UTRN: variants seen among roughly 807,000 people sequenced by gnomAD.
UTRN encodes utrophin, also known as dystrophin-related protein 1.
In UTRN, 283 loss-of-function variants were observed where a neutral mutation model predicts 463.9. The observed-to-expected ratio is 0.61, with a 90% confidence interval of 0.55 to 0.67. UTRN has a LOEUF of 0.67. Ranked by LOEUF, UTRN falls within the 30% of genes least tolerant of loss-of-function variation. UTRN has a pLI of 0.00. For missense variants in UTRN, 3,922 were observed against 4,084.3 expected (o/e 0.96, Z 1.08); for synonymous variants, 1,442 against 1,431.5 (o/e 1.01, Z -0.17).
rs1491372399 is a variant in UTRN, at chr6:144,824,571, T to TA, written c.9495-2777_9495-2776insA. Among the ~76,000 whole-genome samples the TA allele has an allele frequency of 1.9e-3, 86 of 46,108 alleles. 1 individual carries two copies. Among genetic ancestry groups the TA allele is most frequent in the East Asian group, 0.015 (10 of 678 alleles). The allele number at this position is 46,108 out of a possible 152,430, so 30.2% of individuals were successfully genotyped here. Reference sequence around the variant, plus strand: ...GTATATATATTAATATAGCATTTTATTTATATATATATATATATATATATA... The same window carrying TA: ...GTATATATATTAATATAGCATTTTATATTATATATATATATATATATATATA... On this transcript the variant is annotated intron_variant, in intron 66 of 74. Coordinates refer to ENST00000367545, the MANE Select transcript of UTRN (RefSeq NM_007124.3).
At chr6:144,455,675 C>T (rs1275757087) in intron 19 of UTRN, among the ~76,000 whole-genome samples, 4 of 152,154 alleles carry the variant, frequency 2.6e-5, no homozygotes, top group African/African-American at 7.2e-5. Context: ...GGGGAATGGG[C>T]AAACTTGGAT....
Position 144,627,461 on chromosome 6 carries a change from A to G in UTRN, c.7479+50173A>G, listed in dbSNP as rs186040030. 3.9e-5 allele frequency among the ~76,000 whole-genome samples: 6 copies of G among 152,292 alleles called. No individual in the cohort carries two copies. The East Asian group carries it at 9.6e-4, about 24-fold the overall frequency. On this transcript the variant is annotated intron_variant, in intron 51 of 74. Coordinates refer to ENST00000367545, the MANE Select transcript of UTRN (RefSeq NM_007124.3). Reference sequence around the variant, plus strand: ...TGATCTTTTTAAAAACTATGGTGAAATATACAAAATATGGCATTTTAACCA... The same window carrying G: ...TGATCTTTTTAAAAACTATGGTGAAGTATACAAAATATGGCATTTTAACCA...
chr6:144,620,057 T>C (rs1404355580), intron 51 of UTRN, among the ~76,000 whole-genome samples: 1 of 152,172 alleles, frequency 6.6e-6, no homozygotes, highest in Non-Finnish European at 1.5e-5. Context: ...TTGTTAAGGA[T>C]GCAAATGGAG....
chr6:144,749,774 A>C (rs1412395925), intron 55 of UTRN, among the ~76,000 whole-genome samples: 1 of 152,200 alleles, frequency 6.6e-6, no homozygotes. Flanking sequence ...TTATATAGGG[A>C]AACATTATTT....
At chr6:144,570,668 G>T (rs1487008599) in intron 50 of UTRN, among the ~76,000 whole-genome samples, 1 of 152,150 alleles carries the variant, frequency 6.6e-6, no homozygotes, top group East Asian at 1.9e-4. Flanking sequence ...TCAATGGGTG[G>T]TCTAGCTTCT....
At chr6:144,483,951 A>G (rs779394465) in intron 27 of UTRN, among the ~76,000 whole-genome samples, 15 of 152,326 alleles carry the variant, frequency 9.8e-5, no homozygotes, top group Non-Finnish European at 1.8e-4. Context: ...TGATCTGGTA[A>G]GCATACTTCA....
chr6:144,525,437 T>C (rs144524666), intron 41 of UTRN, among the ~76,000 whole-genome samples: 2 of 152,288 alleles, frequency 1.3e-5, no homozygotes, highest in East Asian at 3.9e-4. Flanking sequence ...TCCAGGAATT[T>C]ATCCATATCC....
At position 144,511,029 on chromosome 6, in the gene UTRN, G is replaced by T. The variant is rs745504827; in HGVS notation, c.4850G>T (p.Gly1617Val). 1.2e-6 allele frequency: 2 copies of T among 1,613,350 alleles called. No individual in the cohort carries two copies. Among genetic ancestry groups the T allele is most frequent in the South Asian group, 1.1e-5 (1 of 90,998 alleles). The change falls in exon 35 of 75, where the codon GGC becomes GTC. Residue 1617 changes from glycine to valine, a missense_variant. By Grantham distance (109) the Gly-to-Val change is moderately radical. Coordinates refer to ENST00000367545, the MANE Select transcript of UTRN (RefSeq NM_007124.3). ...GCTGCCCTGCAAAACTTGATTGAGG[G>T]CAGTGAGCCTATTTTAGAAGAGAGG... Reference protein sequence around the residue: ...SSAALQNLIEGSEPILEERLC... With the variant: ...SSAALQNLIEVSEPILEERLC...
chr6:144,301,587 A>G (rs1584196886), intron 2 of UTRN, among the ~76,000 whole-genome samples: 1 of 125,298 alleles, frequency 8.0e-6, no homozygotes, highest in Non-Finnish European at 1.6e-5. Flanking sequence ...TCCATTGCCC[A>G]GGCTGGAGTG....
chr6:144,814,439 G>T (rs1034284254), intron 65 of UTRN, among the ~76,000 whole-genome samples: 2 of 152,146 alleles, frequency 1.3e-5, no homozygotes, highest in Non-Finnish European at 2.9e-5. Flanking sequence ...TGAGACACAT[G>T]CTGTAATTGT....
chr6:144,839,580 AT>A (rs1197219829), intron 72 of UTRN, among the ~76,000 whole-genome samples: 1 of 152,182 alleles, frequency 6.6e-6, no homozygotes, highest in Non-Finnish European at 1.5e-5. Flanking sequence ...CTTATGAATG[AT>A]TTTTTTAGTA....
At chr6:144,732,231 T>TATATACAC (rs1562832206) in intron 54 of UTRN, among the ~76,000 whole-genome samples, 21 of 29,726 alleles carry the variant, frequency 7.1e-4, no homozygotes, top group Admixed American at 5.0e-3. Flanking sequence ...TATATATATA[T>TATATACAC]ATATATACAT....
At chr6:144,562,653 T>A (rs1800042106) in intron 50 of UTRN, among the ~76,000 whole-genome samples, 1 of 152,198 alleles carries the variant, frequency 6.6e-6, no homozygotes, top group African/African-American at 2.4e-5. Context: ...TGAACAGTGC[T>A]GCAATGAACA....
chr6:144,617,735 A>G (rs757398520), intron 51 of UTRN, among the ~76,000 whole-genome samples: 32 of 152,110 alleles, frequency 2.1e-4, no homozygotes, highest in African/African-American at 7.5e-4. Flanking sequence ...GTAAATGTCC[A>G]TCAGTCTTGC....
intron 51 of UTRN, among the ~76,000 whole-genome samples, chr6:144,641,435 G>C (rs1046961579): frequency 7.9e-5 from 12 of 152,214 alleles, no homozygotes; most frequent in Admixed American, 3.9e-4. Context: ...GCAGGCTTCA[G>C]AGAGAACAGA....
chr6:144,739,906 A>G (rs907352285), intron 54 of UTRN, among the ~76,000 whole-genome samples: 18 of 152,194 alleles, frequency 1.2e-4, no homozygotes, highest in Non-Finnish European at 2.5e-4. Context: ...GGAAGAATCC[A>G]ATCCCATAAA....
chr6:144,334,411 A>C (rs1031389206), intron 2 of UTRN, among the ~76,000 whole-genome samples: 3 of 151,246 alleles, frequency 2.0e-5, no homozygotes, highest in Non-Finnish European at 4.4e-5. Flanking sequence ...CTATGATTTT[A>C]GCGCCCCCGG....
chr6:144,447,227 G>C lies in UTRN; in HGVS notation c.1631G>C (p.Trp544Ser), dbSNP rs756293190. The stretch of plus-strand genomic sequence containing the variant: ...TACTTGTAGTGCTTGTTGAAAGCTT[G>C]GTTAACCGAAAAAGAAGAGGCTTTA... ...LLEEQCLLKA[W>S]LTEKEEALNK... The change falls in exon 15 of 75, where the codon TGG becomes TCG. Residue 544 changes from tryptophan (W) to serine (S), a missense_variant. Around this residue, in one of 3 missense-constraint regions of UTRN, gnomAD observed 2,349 missense variants for 2,303.8 expected, o/e 1.02. Coordinates refer to ENST00000367545, the MANE Select transcript of UTRN (RefSeq NM_007124.3). 1 of 1,613,750 alleles carries C rather than the reference G, an allele frequency of 6.2e-7. No individual in the cohort carries two copies. Among genetic ancestry groups the C allele is most frequent in the Non-Finnish European group, 8.5e-7 (1 of 1,179,832 alleles).
intron 61 of UTRN, among the ~76,000 whole-genome samples, chr6:144,783,055 G>A (rs1370514947): frequency 6.6e-6 from 1 of 151,976 alleles, no homozygotes; most frequent in African/African-American, 2.4e-5. Context: ...AATTAGCCAG[G>A]CATCGTGGCA....
Sources: gnomAD v4.1 joint callset for allele counts (sites outside exome capture counted in the v4.1 genomes callset) on GRCh38, gnomAD v4.1.1 for gene constraint, gnomAD v4.1.1 regional missense constraint, MANE v1.5 for transcripts, NCBI Gene and HGNC (gene_info 2026-07-23, HGNC 2026-07-21) for gene names.